The following BRD10 variants were observed in gnomAD, a reference collection of about 807,000 sequenced individuals.
The protein encoded by BRD10 is bromodomain containing 10.
At chr9:5,888,293 A>AT in the BRD10 span, among the ~76,000 whole-genome samples, 1 of 152,186 alleles carries the variant, frequency 6.6e-6, no homozygotes, top group Admixed American at 6.5e-5. Flanking sequence ...TCTGGGGTCA[A>AT]TTATTAGGTG....
At chr9:5,920,621 C>G in the BRD10 span, 4 of 1,613,862 alleles carry the variant, frequency 2.5e-6, no homozygotes, top group Non-Finnish European at 2.5e-6. Context: ...AGTTGAAATC[C>G]CTGGTGAATG....
At chr9:5,937,398 G>C in the BRD10 span, among the ~76,000 whole-genome samples, 1 of 151,768 alleles carries the variant, frequency 6.6e-6, no homozygotes, top group Non-Finnish European at 1.5e-5. Flanking sequence ...AGCTGGGCGT[G>C]GTGGCACATG....
At chr9:5,991,745 A>T in the BRD10 span, among the ~76,000 whole-genome samples, 1 of 142,546 alleles carries the variant, frequency 7.0e-6, no homozygotes, top group African/African-American at 2.7e-5. Flanking sequence ...AAAAAAAAAA[A>T]GGCAAATCAG....
At chr9:5,954,687 AAACCACTGGAAAAAAAT>A in the BRD10 span, among the ~76,000 whole-genome samples, 1 of 152,232 alleles carries the variant, frequency 6.6e-6, no homozygotes, top group African/African-American at 2.4e-5. Context: ...GTGGAATCAG[AAACCACTGGAAAAAAAT>A]AAACCTCATA....
the BRD10 span, among the ~76,000 whole-genome samples, chr9:5,987,171 CTTT>C: frequency 1.3e-5 from 2 of 151,534 alleles, no homozygotes; most frequent in South Asian, 4.2e-4. Flanking sequence ...ATTAGCCATT[CTTT>C]TTTTTTATCT....
chr9:5,882,909 A>G, the BRD10 span, among the ~76,000 whole-genome samples: 4 of 152,318 alleles, frequency 2.6e-5, no homozygotes, highest in African/African-American at 9.6e-5. Context: ...TATCACAAGG[A>G]CAAAAAACCA....
chr9:5,976,469 GGTTT>G, the BRD10 span, among the ~76,000 whole-genome samples: 3 of 152,050 alleles, frequency 2.0e-5, no homozygotes, highest in Non-Finnish European at 2.9e-5. Flanking sequence ...TCAGAAACTG[GGTTT>G]GTTTATTACT....
the BRD10 span, chr9:6,007,885 G>A: frequency 1.5e-6 from 2 of 1,369,078 alleles, no homozygotes; most frequent in East Asian, 6.1e-5. Flanking sequence ...GCCGCGGCGC[G>A]TAGCCCCCGC....
chr9:5,916,794 G>C, the BRD10 span, among the ~76,000 whole-genome samples: 3 of 152,032 alleles, frequency 2.0e-5, no homozygotes, highest in Non-Finnish European at 2.9e-5. Context: ...CCAGTATCAT[G>C]AATCTTTTCA....
the BRD10 span, among the ~76,000 whole-genome samples, chr9:5,982,068 T>TA: frequency 1.5e-3 from 222 of 151,484 alleles, 1 homozygote; most frequent in South Asian, 0.01. Flanking sequence ...TATATATATA[T>TA]TATTTTTAAG....
At chr9:5,906,184 C>T in the BRD10 span, among the ~76,000 whole-genome samples, 9 of 136,516 alleles carry the variant, frequency 6.6e-5, no homozygotes, top group East Asian at 1.9e-3. Context: ...GATCATGTCT[C>T]TTAAAAAAAA....
At chr9:6,001,444 T>C in the BRD10 span, among the ~76,000 whole-genome samples, 1 of 152,192 alleles carries the variant, frequency 6.6e-6, no homozygotes, top group Non-Finnish European at 1.5e-5. Context: ...CATATCCTCA[T>C]CATCCTATAC....
At chr9:5,954,160 A>G in the BRD10 span, 1 of 834,660 alleles carries the variant, frequency 1.2e-6, no homozygotes, top group East Asian at 2.7e-5. Flanking sequence ...CAAAAAACAA[A>G]TTACGCAGAT....
the BRD10 span, among the ~76,000 whole-genome samples, chr9:5,917,860 G>A: frequency 8.5e-5 from 13 of 152,240 alleles, no homozygotes; most frequent in South Asian, 4.2e-4. Context: ...TCAAAAAAAA[G>A]AGAGAGATTT....
chr9:5,917,650 G>C, the BRD10 span, among the ~76,000 whole-genome samples: 28,368 of 152,192 alleles, frequency 0.19, 2,814 homozygotes, highest in Middle Eastern at 0.29. Context: ...TCAGGAGTTC[G>C]AGACCAGCCT....
the BRD10 span, among the ~76,000 whole-genome samples, chr9:5,984,634 AAACTC>A: frequency 6.6e-6 from 1 of 152,200 alleles, no homozygotes; most frequent in African/African-American, 2.4e-5. Context: ...AAACCTGACA[AAACTC>A]AGAGAAGACA....
At chr9:5,919,806 T>C in the BRD10 span, 27 of 1,613,712 alleles carry the variant, frequency 1.7e-5, no homozygotes, top group South Asian at 2.9e-4. Flanking sequence ...GAAGAAACCT[T>C]AGATGCTGGA....
At chr9:5,991,161 G>A in the BRD10 span, among the ~76,000 whole-genome samples, 2 of 85,378 alleles carry the variant, frequency 2.3e-5, no homozygotes, top group African/African-American at 3.4e-5. Context: ...ATGTGCATGT[G>A]TGTTTTGTGT....
At chr9:5,943,195 T>C in the BRD10 span, among the ~76,000 whole-genome samples, 1 of 152,190 alleles carries the variant, frequency 6.6e-6, no homozygotes, top group Non-Finnish European at 1.5e-5. Context: ...TGTTTTCTTT[T>C]ATTCTTCTTC....
Sources: gnomAD v4.1 joint callset for allele counts (sites outside exome capture counted in the v4.1 genomes callset) on GRCh38, gnomAD v4.1.1 for gene constraint, MANE v1.5 for transcripts, NCBI Gene and HGNC (gene_info 2026-07-23, HGNC 2026-07-21) for gene names.